Variants in SPRYD4 observed in about 807,000 individuals in gnomAD.
SPRYD4 encodes SPRY domain containing 4, also known as SPRY domain-containing protein 4.
A neutral mutation model predicts 16.6 loss-of-function variants in SPRYD4; 12 were observed. The ratio of observed to expected loss-of-function variants is 0.72; its 90% CI spans 0.46 to 1.17. The LOEUF (loss-of-function observed/expected upper bound fraction) is 1.17, where lower values mean the gene tolerates loss of function less well. Ranked by LOEUF, SPRYD4 falls within the 50% of genes most tolerant of loss-of-function variation. The pLI is 0.00. For missense variants in SPRYD4, 260 were observed against 260.2 expected, an observed-to-expected ratio of 1.00 and a Z score of 0.00; for synonymous variants, 98 against 105.4, an observed-to-expected ratio of 0.93 and a Z score of 0.43.
In SPRYD4 at chr12:56,475,545, C is replaced by T. The variant is rs1869730654; in HGVS notation, c.*5968C>T. ...TTCTTCCTCCTAAGATTCTCTCTCCCCCATTCCTCTTGTCCCCATCCTAAG... is the reference window on the plus strand; with the variant it reads ...TTCTTCCTCCTAAGATTCTCTCTCCTCCATTCCTCTTGTCCCCATCCTAAG... On this transcript the variant is annotated 3_prime_UTR_variant, in exon 2 of 2. Transcript: ENST00000338146. 1 of 1,433,822 alleles carries T rather than the reference C, an allele frequency of 7.0e-7. No individual in the cohort carries two copies. Among genetic ancestry groups the T allele is most frequent in the African/African-American group, 1.4e-5 (1 of 71,004 alleles). 88.8% of individuals were successfully genotyped at this position (1,433,822 alleles called of 1,614,324 possible).
At position 56,474,481 on chromosome 12, in the gene SPRYD4, G is replaced by C. The variant is rs1869608211; in HGVS notation, c.*4904G>C. 1.3e-6 allele frequency: 2 copies of C among 1,589,958 alleles called. No individual in the cohort carries two copies. The highest frequency in any genetic ancestry group is 3.4e-5 in the Admixed American group (2 of 59,250). On this transcript the variant is annotated 3_prime_UTR_variant, in exon 2 of 2. Coordinates refer to ENST00000338146, the MANE Select transcript of SPRYD4 (RefSeq NM_207344.4). The stretch of plus-strand genomic sequence containing the variant: ...AAGCTTCCACCTCTATCTTGAGAGA[G>C]TCAGTGTTCTCTCTTCTTAGCACTG...
In SPRYD4 at chr12:56,472,694, G is replaced by A. The variant is rs754953103; in HGVS notation, c.*3117G>A. 13 of 1,613,348 alleles carry A rather than the reference G, an allele frequency of 8.1e-6. No homozygotes were observed. In the South Asian group the frequency reaches 8.8e-5, roughly 11 times the overall value. ...ATTTGGTCACAGTAGCATTACCTTCGAAGAGCTGAGACATCGCCACTATAG... is the reference window on the plus strand; with the variant it reads ...ATTTGGTCACAGTAGCATTACCTTCAAAGAGCTGAGACATCGCCACTATAG... On this transcript the variant is annotated 3_prime_UTR_variant, in exon 2 of 2. Coordinates refer to ENST00000338146, the MANE Select transcript of SPRYD4 (RefSeq NM_207344.4).
chr12:56,475,528 C>T lies in SPRYD4; in HGVS notation c.*5951C>T, dbSNP rs1360568127. On this transcript the variant is annotated 3_prime_UTR_variant, in exon 2 of 2. Transcript: ENST00000338146. Reference sequence around the variant, plus strand: ...CAAAGTTCCCCTGGGATTTCTTCCTCCTAAGATTCTCTCTCCCCCATTCCT... The same window carrying T: ...CAAAGTTCCCCTGGGATTTCTTCCTTCTAAGATTCTCTCTCCCCCATTCCT... The T allele has an allele frequency of 1.5e-6, 2 of 1,304,268 alleles. No homozygotes were observed. The highest frequency in any genetic ancestry group is 2.0e-5 in the Admixed American group (1 of 50,546). 80.8% of individuals were successfully genotyped at this position (1,304,268 alleles called of 1,614,324 possible).
chr12:56,474,698 C>T lies in SPRYD4; in HGVS notation c.*5121C>T. ...GGCTGCCATGACACTGCCTGATTCACAAGTGACCTCCACAGAACACAGCTA... is the reference window on the plus strand; with the variant it reads ...GGCTGCCATGACACTGCCTGATTCATAAGTGACCTCCACAGAACACAGCTA... On this transcript the variant is annotated 3_prime_UTR_variant, in exon 2 of 2. Transcript: ENST00000338146. 6.2e-7 allele frequency: 1 copy of T among 1,611,464 alleles called. No homozygotes were observed. The highest frequency in any genetic ancestry group is 8.5e-7 in the Non-Finnish European group (1 of 1,178,316).
rs752041553 is a variant in SPRYD4 at position 56,478,072 on chromosome 12, G to T, written c.*8495G>T. On this transcript the variant is annotated 3_prime_UTR_variant, in exon 2 of 2. Coordinates refer to ENST00000338146, the MANE Select transcript of SPRYD4 (RefSeq NM_207344.4). ...TCACACAGGACTGCAGGCAGAAGGG[G>T]ATCTTTGTGTGGCCCACAGAGTGCC... The T allele has an allele frequency of 1.2e-6, 2 of 1,614,048 alleles. No individual in the cohort carries two copies. The highest frequency in any genetic ancestry group is 1.3e-5 in the African/African-American group (1 of 74,942).
In SPRYD4 at chr12:56,474,994, A is replaced by C. The variant is rs757231980; in HGVS notation, c.*5417A>C. On this transcript the variant is annotated 3_prime_UTR_variant, in exon 2 of 2. Coordinates refer to ENST00000338146, the MANE Select transcript of SPRYD4 (RefSeq NM_207344.4). The stretch of plus-strand genomic sequence containing the variant: ...AGCCCCCAACCCCTACTGCCCTTCC[A>C]CTAGCAGCAGAATTCCCAGGGACTT... 6.2e-7 allele frequency: 1 copy of C among 1,613,908 alleles called. No homozygotes were observed. Among genetic ancestry groups the C allele is most frequent in the South Asian group, 1.1e-5 (1 of 91,072 alleles).
chr12:56,472,273 A>G lies in SPRYD4; in HGVS notation c.*2696A>G. On this transcript the variant is annotated 3_prime_UTR_variant, in exon 2 of 2. Transcript: ENST00000338146. ...GGTGTTCTTTGTGAACTGGTGTCAG[A>G]CTGGATGAGTTTCAGAGAAAGTGAA... 2.3e-6 allele frequency: 3 copies of G among 1,318,902 alleles called. No individual in the cohort carries two copies. The highest frequency in any genetic ancestry group is 3.3e-6 in the Non-Finnish European group (3 of 915,820). 81.7% of individuals were successfully genotyped at this position (1,318,902 alleles called of 1,614,324 possible). A position where few individuals can be genotyped will look rare whatever the true frequency, so the allele number is the denominator to read the frequency against.
chr12:56,469,070 C>G lies in SPRYD4; in HGVS notation c.117C>G (p.Ala39=). Residue 39 remains alanine, a synonymous_variant, in exon 2 of 2, where the codon GCC becomes GCG. Transcript: ENST00000338146. ...GVSFKLEEKT[A]HSSLALFRDD... ...GTTTCAAACTGGAAGAAAAAACCGC[C>G]CACAGCAGCCTGGCACTCTTCAGAG... 6.3e-7 allele frequency: 1 copy of G among 1,576,566 alleles called. No individual in the cohort carries two copies. Among genetic ancestry groups the G allele is most frequent in the Non-Finnish European group, 8.6e-7 (1 of 1,161,270 alleles).
At position 56,473,956 on chromosome 12, in the gene SPRYD4, AG is replaced by A. The variant is rs1365633480; in HGVS notation, c.*4385del. ...AGTAGGGTGCTGTAAATAGAGGTAG[AG>A]GGGGGCCACATGAGATAGGGTGGTC... On this transcript the variant is annotated 3_prime_UTR_variant, in exon 2 of 2. Transcript: ENST00000338146. The A allele has an allele frequency of 6.1e-5, 12 of 197,160 alleles. No individual in the cohort carries two copies. Among genetic ancestry groups the A allele is most frequent in the Non-Finnish European group, 8.3e-5 (8 of 96,322 alleles). The allele number at this position is 197,160 out of a possible 1,614,324, so 12.2% of individuals were successfully genotyped here.
rs1869635138 is a variant in SPRYD4 at position 56,474,679 on chromosome 12, C to T, written c.*5102C>T. 1.2e-6 allele frequency: 2 copies of T among 1,612,770 alleles called. No individual in the cohort carries two copies. The highest frequency in any genetic ancestry group is 1.7e-6 in the Non-Finnish European group (2 of 1,179,180). On this transcript the variant is annotated 3_prime_UTR_variant, in exon 2 of 2. Transcript: ENST00000338146. ...TCCCACCGTTGGCGAGGGTGGCTGC[C>T]ATGACACTGCCTGATTCACAAGTGA...
rs1452454286 is a variant in SPRYD4, at chr12:56,472,540, TCTC to T, written c.*2966_*2968del. 16 of 682,528 alleles carry T rather than the reference TCTC, an allele frequency of 2.3e-5. No homozygotes were observed. The highest frequency in any genetic ancestry group is 1.7e-4 in the East Asian group (6 of 36,192). The allele number at this position is 682,528 out of a possible 1,614,324, so 42.3% of individuals were successfully genotyped here. On this transcript the variant is annotated 3_prime_UTR_variant, in exon 2 of 2. Transcript: ENST00000338146. Reference sequence around the variant, plus strand: ...GACAGTTTACTTTTTTTAAAAAAAATCTCCTTTTTTAAAAAAATTTCATTTAAA... The same window carrying T: ...GACAGTTTACTTTTTTTAAAAAAAATCTTTTTTAAAAAAATTTCATTTAAA...
At position 56,473,326 on chromosome 12, in the gene SPRYD4, A is replaced by G. The variant is rs377118955; in HGVS notation, c.*3749A>G. On this transcript the variant is annotated 3_prime_UTR_variant, in exon 2 of 2. Transcript: ENST00000338146. ...TTGAAGAGAGACACCAACTTCTAGA[A>G]TTGTAAGCCAAATATATTGTTTATT... 42 of 1,613,938 alleles carry G rather than the reference A, an allele frequency of 2.6e-5. No homozygotes were observed. In the African/African-American group the frequency reaches 5.3e-4, roughly 21 times the overall value.
rs775006237 is a variant in SPRYD4 at position 56,471,587 on chromosome 12, T to C, written c.*2010T>C. The C allele has an allele frequency of 6.2e-7, 1 of 1,614,082 alleles. No individual in the cohort carries two copies. The highest frequency in any genetic ancestry group is 1.1e-5 in the South Asian group (1 of 91,074). On this transcript the variant is annotated 3_prime_UTR_variant, in exon 2 of 2. Transcript: ENST00000338146. ...GGAGTCCTGGTAATCTTGAAGCAGT[T>C]TGACCACCTCCAGATGGTTGAACTG...
Position 56,478,790 on chromosome 12 carries a change from C to T in SPRYD4, c.*9213C>T, listed in dbSNP as rs190218818. ...GGTGGATCACTTGAGATCAGGAGTT[C>T]GAGACCAGCCTGGCCAATATGGCAA... On this transcript the variant is annotated 3_prime_UTR_variant, in exon 2 of 2. Coordinates refer to ENST00000338146, the MANE Select transcript of SPRYD4 (RefSeq NM_207344.4). 2.8e-4 allele frequency: 100 copies of T among 351,468 alleles called. No homozygotes were observed. Among genetic ancestry groups the T allele is most frequent in the African/African-American group, 1.9e-3 (91 of 47,066 alleles). The allele number at this position is 351,468 out of a possible 1,614,324, so 21.8% of individuals were successfully genotyped here.
chr12:56,478,316 G>A lies in SPRYD4; in HGVS notation c.*8739G>A. 1.9e-6 allele frequency: 3 copies of A among 1,552,624 alleles called. No individual in the cohort carries two copies. Among genetic ancestry groups the A allele is most frequent in the Non-Finnish European group, 1.8e-6 (2 of 1,124,954 alleles). On this transcript the variant is annotated 3_prime_UTR_variant, in exon 2 of 2. Transcript: ENST00000338146. ...GATGGATGTGGAGAAGAGGAACAGA[G>A]TTGAGGTTGAGGGTCAAGAGAATCT...
chr12:56,468,893 C>T, intron 1 of SPRYD4, 146 bp from the exon 2 acceptor site: 1 of 1,140,314 alleles, frequency 8.8e-7, no homozygotes, highest in Non-Finnish European at 1.2e-6. Flanking sequence ...CGTAGTAAAG[C>T]GACCTCGCGA....
Position 56,479,627 on chromosome 12 carries a change from C to CT in SPRYD4, c.*10052dup. 1.1e-6 allele frequency: 1 copy of CT among 903,958 alleles called. No homozygotes were observed. The highest frequency in any genetic ancestry group is 2.5e-5 in the South Asian group (1 of 40,218). The allele number at this position is 903,958 out of a possible 1,614,324, so 56.0% of individuals were successfully genotyped here. A position where few individuals can be genotyped will look rare whatever the true frequency, so the allele number is the denominator to read the frequency against. Reference sequence around the variant, plus strand: ...CATGTATTTCTATATTGTTTGAACTCTTATGATGAGTATTCATGTATAACT... The same window carrying CT: ...CATGTATTTCTATATTGTTTGAACTCTTTATGATGAGTATTCATGTATAACT... On this transcript the variant is annotated 3_prime_UTR_variant, in exon 2 of 2. Coordinates refer to ENST00000338146, the MANE Select transcript of SPRYD4 (RefSeq NM_207344.4).
At position 56,475,814 on chromosome 12, in the gene SPRYD4, A is replaced by G. The variant is rs1372362125; in HGVS notation, c.*6237A>G. The G allele has an allele frequency of 2.8e-6, 4 of 1,408,710 alleles. No homozygotes were observed. The highest frequency in any genetic ancestry group is 1.4e-5 in the African/African-American group (1 of 70,608). The allele number at this position is 1,408,710 out of a possible 1,614,324, so 87.3% of individuals were successfully genotyped here. A position where few individuals can be genotyped will look rare whatever the true frequency, so the allele number is the denominator to read the frequency against. ...CTCTCTGAGGCCAGCAGATTTCCAC[A>G]TTTCTGGAAATAAGGCTTCTAGTAT... On this transcript the variant is annotated 3_prime_UTR_variant, in exon 2 of 2. Transcript: ENST00000338146.
chr12:56,476,420 G>A lies in SPRYD4; in HGVS notation c.*6843G>A. Reference sequence around the variant, plus strand: ...TGTCTCCTAGCCCCACCCTATCCCTGATCTCCATCCCCATTCCTTACACCC... The same window carrying A: ...TGTCTCCTAGCCCCACCCTATCCCTAATCTCCATCCCCATTCCTTACACCC... On this transcript the variant is annotated 3_prime_UTR_variant, in exon 2 of 2. Transcript: ENST00000338146. 1 of 193,588 alleles carries A rather than the reference G, an allele frequency of 5.2e-6. No homozygotes were observed. Among genetic ancestry groups the A allele is most frequent in the South Asian group, 9.4e-5 (1 of 10,588 alleles). 12.0% of individuals were successfully genotyped at this position (193,588 alleles called of 1,614,324 possible).
Sources: gnomAD v4.1 joint callset for allele counts on GRCh38, gnomAD v4.1.1 for gene constraint, MANE v1.5 for transcripts, NCBI Gene and HGNC (gene_info 2026-07-23, HGNC 2026-07-21) for gene names.